The following C12orf56 variants were observed in gnomAD, a reference collection of about 807,000 sequenced individuals.
C12orf56 encodes chromosome 12 open reading frame 56.
C12orf56 carries 71 observed loss-of-function variants against 69.9 expected under a neutral mutation model. The ratio of observed to expected loss-of-function variants is 1.02; its 90% CI spans 0.84 to 1.24. C12orf56 has a LOEUF of 1.24. Ranked by LOEUF, C12orf56 falls within the 50% of genes most tolerant of loss-of-function variation. C12orf56 has a pLI of 0.00. For synonymous variants in C12orf56, 276 were observed against 274.1 expected, an observed-to-expected ratio of 1.01 and a Z score of -0.07; for missense variants, 732 against 738.5, an observed-to-expected ratio of 0.99 and a Z score of 0.10.
chr12:64,364,216 G>A (rs191837519), intron 1 of C12orf56, among the ~76,000 whole-genome samples: 14 of 152,100 alleles, frequency 9.2e-5, no homozygotes, highest in Non-Finnish European at 1.5e-4. Context: ...GTGGGAGGTC[G>A]AGGTTGCAGT....
intron 3 of C12orf56, among the ~76,000 whole-genome samples, chr12:64,325,456 A>G (rs952168646): frequency 1.3e-5 from 2 of 152,160 alleles, no homozygotes; most frequent in Non-Finnish European, 2.9e-5. Flanking sequence ...AAGCCCCTAC[A>G]GTCTATTTAA....
At chr12:64,330,780 T>C (rs2038919701) in intron 3 of C12orf56, among the ~76,000 whole-genome samples, 180 bp downstream of exon 3, 1 of 152,216 alleles carries the variant, frequency 6.6e-6, no homozygotes, top group Admixed American at 6.5e-5. Context: ...ACTATACTAT[T>C]TAACTGATTT....
chr12:64,372,170 G>A (rs1440127227), intron 1 of C12orf56, among the ~76,000 whole-genome samples: 1 of 152,086 alleles, frequency 6.6e-6, no homozygotes, highest in East Asian at 1.9e-4. Flanking sequence ...CTAGAAGATA[G>A]ATATTATATG....
intron 1 of C12orf56, among the ~76,000 whole-genome samples, chr12:64,387,200 C>T (rs1392640047): frequency 6.7e-6 from 1 of 149,356 alleles, no homozygotes; most frequent in Non-Finnish European, 1.5e-5. Flanking sequence ...CCATCTGCAA[C>T]CTTAATTCTC....
chr12:64,286,567 T>C (rs767773685), intron 6 of C12orf56, among the ~76,000 whole-genome samples: 2 of 152,364 alleles, frequency 1.3e-5, no homozygotes, highest in Admixed American at 6.5e-5. Flanking sequence ...AGTGGAAATG[T>C]AGATTGCCAT....
chr12:64,367,742 G>A (rs1026075403), intron 1 of C12orf56, among the ~76,000 whole-genome samples: 3 of 147,640 alleles, frequency 2.0e-5, no homozygotes, highest in East Asian at 4.6e-4. Flanking sequence ...GACCCCAAGC[G>A]ATCCACCTGC....
At chr12:64,364,145 TCTA>T (rs2039434499) in intron 1 of C12orf56, among the ~76,000 whole-genome samples, 2 of 152,126 alleles carry the variant, frequency 1.3e-5, no homozygotes, top group African/African-American at 4.8e-5. Context: ...AAACTCTGTG[TCTA>T]CTAAAAATAC....
intron 1 of C12orf56, among the ~76,000 whole-genome samples, chr12:64,365,941 A>T (rs1162882477): frequency 7.6e-6 from 1 of 131,454 alleles, no homozygotes; most frequent in African/African-American, 3.0e-5. Context: ...TGTATAGTGT[A>T]TATATTATAT....
intron 9 of C12orf56, among the ~76,000 whole-genome samples, chr12:64,276,006 C>CTT (rs1555185422): frequency 6.6e-6 from 1 of 150,474 alleles, no homozygotes; most frequent in East Asian, 1.9e-4. Flanking sequence ...TACACACCCC[C>CTT]CCCCGCGAGT....
intron 2 of C12orf56, among the ~76,000 whole-genome samples, chr12:64,337,813 C>G (rs1374607873): frequency 7.0e-6 from 1 of 143,362 alleles, no homozygotes; most frequent in Non-Finnish European, 1.5e-5. Flanking sequence ...GCTGAGATCA[C>G]ACCACTGCAC....
chr12:64,303,854 G>A (rs946510447), intron 5 of C12orf56, 75 bp from the exon 6 acceptor site: 1 of 1,455,540 alleles, frequency 6.9e-7, no homozygotes, highest in Non-Finnish European at 9.1e-7. Context: ...AATGATTACT[G>A]TCAGGTTTGT....
chr12:64,360,356 T>C (rs1592487542), intron 1 of C12orf56, among the ~76,000 whole-genome samples: 1 of 151,816 alleles, frequency 6.6e-6, no homozygotes, highest in Non-Finnish European at 1.5e-5. Context: ...ACCCGGGAGG[T>C]GGAGGTTGCA....
chr12:64,365,312 C>T (rs1236729280), intron 1 of C12orf56, among the ~76,000 whole-genome samples: 1 of 151,442 alleles, frequency 6.6e-6, no homozygotes, highest in Non-Finnish European at 1.5e-5. Flanking sequence ...CTACAGGTGC[C>T]CGCCACCAAG....
intron 4 of C12orf56, among the ~76,000 whole-genome samples, chr12:64,314,128 C>G (rs1266378434): frequency 6.6e-6 from 1 of 151,546 alleles, no homozygotes; most frequent in Non-Finnish European, 1.5e-5. Context: ...CTCTGTCACC[C>G]AGGTTGGAGT....
chr12:64,308,720 G>A (rs995840644), intron 5 of C12orf56, among the ~76,000 whole-genome samples: 13 of 151,330 alleles, frequency 8.6e-5, no homozygotes, highest in Non-Finnish European at 1.5e-4. Flanking sequence ...GTGCATGCCT[G>A]TAATCCTGGC....
intron 4 of C12orf56, among the ~76,000 whole-genome samples, chr12:64,315,997 C>A (rs1226665428): frequency 1.3e-5 from 2 of 151,334 alleles, no homozygotes; most frequent in Admixed American, 6.6e-5. Flanking sequence ...TGAATTCTAA[C>A]CCGATTTCTC....
At chr12:64,318,235 A>AT (rs1170064007) in intron 4 of C12orf56, among the ~76,000 whole-genome samples, 1 of 151,810 alleles carries the variant, frequency 6.6e-6, no homozygotes, top group African/African-American at 2.4e-5. Context: ...TAATTTTTGT[A>AT]TTTTTTAGTA....
chr12:64,347,374 C>A (rs1429745223), intron 2 of C12orf56, among the ~76,000 whole-genome samples: 1 of 150,144 alleles, frequency 6.7e-6, no homozygotes, highest in Non-Finnish European at 1.5e-5. Context: ...CAACCTCAAC[C>A]TCCTGGGTTC....
At chr12:64,351,545 G>A (rs762120011) in intron 2 of C12orf56, among the ~76,000 whole-genome samples, 3 of 152,236 alleles carry the variant, frequency 2.0e-5, no homozygotes, top group East Asian at 3.9e-4. Context: ...AAGGGAACTC[G>A]ACGGCTACTG....
Sources: gnomAD v4.1 joint callset for allele counts (sites outside exome capture counted in the v4.1 genomes callset) on GRCh38, gnomAD v4.1.1 for gene constraint, MANE v1.5 for transcripts, NCBI Gene and HGNC (gene_info 2026-07-23, HGNC 2026-07-21) for gene names.